TTLL11: variants seen among roughly 807,000 people sequenced by gnomAD.
TTLL11 encodes the protein tubulin tyrosine ligase like 11, also known as tubulin polyglutamylase TTLL11.
TTLL11 carries 42 observed loss-of-function variants against 51.7 expected under a neutral mutation model. The ratio of observed to expected loss-of-function variants is 0.81; its 90% CI spans 0.64 to 1.05. The LOEUF (loss-of-function observed/expected upper bound fraction) is 1.05, where lower values mean the gene tolerates loss of function less well. Among genes scored for constraint, TTLL11 ranks in the 50% least tolerant of loss-of-function variants. The pLI is 0.00. For synonymous variants in TTLL11, 381 were observed against 383.5 expected, an observed-to-expected ratio of 0.99 and a Z score of 0.08; for missense variants, 799 against 940.4, an observed-to-expected ratio of 0.85 and a Z score of 1.97.
rs1195309191 is a variant in TTLL11 at position 122,089,414 on chromosome 9, G to A, written c.462+3273C>T. On this transcript the variant is annotated intron_variant, in intron 1 of 8. Coordinates refer to ENST00000321582, the MANE Select transcript of TTLL11 (RefSeq NM_001139442.2). ...AACAGATGGGGAAAGGCAGGCATAA[G>A]AAAGGTCATGTGTTTGCACTTTGTT... is the stretch of plus-strand genomic sequence containing the variant. 2.6e-5 allele frequency among the ~76,000 whole-genome samples: 4 copies of A among 152,166 alleles called. No individual in the cohort carries two copies. The East Asian group carries it at 7.7e-4, about 29-fold the overall frequency.
chr9:121,978,327 T>C (rs6478551), intron 4 of TTLL11, among the ~76,000 whole-genome samples: 11,130 of 152,200 alleles, frequency 0.073, 861 homozygotes, highest in African/African-American at 0.19. Flanking sequence ...AATCAGGTAT[T>C]TACTTGGTCC....
At chr9:121,986,911 T>C (rs921023269) in intron 4 of TTLL11, among the ~76,000 whole-genome samples, 2 of 151,832 alleles carry the variant, frequency 1.3e-5, no homozygotes, top group African/African-American at 4.8e-5. Context: ...TGATAATAAA[T>C]TGTGCATATT....
chr9:121,922,013 A>G (rs1212679961), intron 6 of TTLL11, among the ~76,000 whole-genome samples: 1 of 152,158 alleles, frequency 6.6e-6, no homozygotes, highest in African/African-American at 2.4e-5. Flanking sequence ...ATCTTCAAGG[A>G]GCTTAGCACA....
intron 3 of TTLL11, among the ~76,000 whole-genome samples, chr9:122,029,177 G>T (rs7046484): frequency 0.43 from 65,933 of 152,020 alleles, 16,300 homozygotes; most frequent in African/African-American, 0.68. Flanking sequence ...GCACTGTACA[G>T]AATACTTGAT....
At chr9:121,879,908 G>A (rs969084914) in intron 6 of TTLL11, among the ~76,000 whole-genome samples, 4 of 152,048 alleles carry the variant, frequency 2.6e-5, no homozygotes, top group Non-Finnish European at 4.4e-5. Flanking sequence ...AGTCTGCAGT[G>A]AGCCGTGAGC....
chr9:122,077,473 A>G (rs1845891457), intron 1 of TTLL11, among the ~76,000 whole-genome samples: 1 of 152,206 alleles, frequency 6.6e-6, no homozygotes, highest in Admixed American at 6.5e-5. Flanking sequence ...TAGAAGAATA[A>G]AAATAGAATA....
intron 6 of TTLL11, among the ~76,000 whole-genome samples, chr9:121,935,120 A>ATTT (rs34653983): frequency 0.24 from 34,835 of 147,656 alleles, 4,270 homozygotes; most frequent in African/African-American, 0.33. Flanking sequence ...ATGCCCGGCT[A>ATTT]TTTTTTTTTT....
chr9:121,846,481 A>G (rs1837517512), intron 8 of TTLL11, among the ~76,000 whole-genome samples: 2 of 152,210 alleles, frequency 1.3e-5, no homozygotes, highest in African/African-American at 2.4e-5. Flanking sequence ...TAGAATATAC[A>G]TTCTTCCCAG....
chr9:121,939,466 G>A (rs1448696360), intron 6 of TTLL11, among the ~76,000 whole-genome samples: 1 of 152,054 alleles, frequency 6.6e-6, no homozygotes, highest in Non-Finnish European at 1.5e-5. Flanking sequence ...ACATTAAATA[G>A]TCACTTTGTT....
chr9:122,020,446 G>A (rs1844136038), intron 3 of TTLL11, among the ~76,000 whole-genome samples: 3 of 152,176 alleles, frequency 2.0e-5, no homozygotes, highest in African/African-American at 7.2e-5. Context: ...TTATTACACA[G>A]AAGGGAAAAG....
chr9:122,064,313 G>A (rs1317375054), intron 1 of TTLL11, among the ~76,000 whole-genome samples: 1 of 152,106 alleles, frequency 6.6e-6, no homozygotes, highest in African/African-American at 2.4e-5. Flanking sequence ...GGGAGGGGAG[G>A]AAAAGAAGGC....
At chr9:122,064,485 T>C (rs576926123) in intron 1 of TTLL11, among the ~76,000 whole-genome samples, 166 of 152,222 alleles carry the variant, frequency 1.1e-3, no homozygotes, top group Non-Finnish European at 1.3e-3. Flanking sequence ...CTACTGTATA[T>C]TGGTTGCTCT....
At chr9:121,944,635 A>G (rs1408969092) in intron 6 of TTLL11, among the ~76,000 whole-genome samples, 1 of 152,244 alleles carries the variant, frequency 6.6e-6, no homozygotes, top group Non-Finnish European at 1.5e-5. Flanking sequence ...GCTTTTAAAC[A>G]AAAATACAAA....
At chr9:121,841,104 TGG>T (rs2131355750) in intron 8 of TTLL11, among the ~76,000 whole-genome samples, 1 of 152,174 alleles carries the variant, frequency 6.6e-6, no homozygotes, top group African/African-American at 2.4e-5. Flanking sequence ...GTCTCACCCA[TGG>T]GCCTTGTGCA....
At chr9:121,917,599 AGAAG>A (rs959477228) in intron 6 of TTLL11, among the ~76,000 whole-genome samples, 10 of 137,472 alleles carry the variant, frequency 7.3e-5, no homozygotes, top group Non-Finnish European at 1.4e-4. Flanking sequence ...AGAGAGGGAA[AGAAG>A]GAAGGGAGGG....
chr9:121,887,047 T>A (rs898499572), intron 6 of TTLL11, among the ~76,000 whole-genome samples: 2 of 152,108 alleles, frequency 1.3e-5, no homozygotes, highest in African/African-American at 4.8e-5. Flanking sequence ...CAGACCAGGA[T>A]GATGAGCCTG....
chr9:121,841,186 G>A (rs1046921550), intron 8 of TTLL11, among the ~76,000 whole-genome samples: 1 of 152,190 alleles, frequency 6.6e-6, no homozygotes, highest in Non-Finnish European at 1.5e-5. Context: ...ATGGAAGCAC[G>A]TTGGCTGGCC....
chr9:121,941,125 G>C (rs1297923314), intron 6 of TTLL11, among the ~76,000 whole-genome samples: 1 of 152,204 alleles, frequency 6.6e-6, no homozygotes, highest in Non-Finnish European at 1.5e-5. Flanking sequence ...TTTCATGTAA[G>C]GAAGACCTCA....
At chr9:121,976,612 C>T (rs528085442) in intron 4 of TTLL11, among the ~76,000 whole-genome samples, 1 of 152,266 alleles carries the variant, frequency 6.6e-6, no homozygotes, top group South Asian at 2.1e-4. Context: ...AATCCATTTA[C>T]TAGTCTATAT....
Sources: allele counts gnomAD v4.1 joint callset (sites outside exome capture counted in the v4.1 genomes callset), GRCh38; gene constraint gnomAD v4.1.1; transcripts MANE v1.5; gene names NCBI Gene and HGNC (gene_info 2026-07-23, HGNC 2026-07-21).